Variants in ACOXL observed in about 807,000 individuals in gnomAD.
ACOXL encodes the protein acyl-coenzyme A oxidase-like protein.
ACOXL carries 70 observed loss-of-function variants against 71.9 expected under a neutral mutation model. That is an observed-to-expected ratio of 0.97 (90% CI 0.80 to 1.19). The LOEUF (loss-of-function observed/expected upper bound fraction) is 1.19, where lower values mean the gene tolerates loss of function less well. ACOXL is among the 50% of genes most tolerant of loss of function. ACOXL has a pLI of 0.00. For synonymous variants in ACOXL, 253 were observed against 281.6 expected, an observed-to-expected ratio of 0.90 and a Z score of 1.02; for missense variants, 703 against 736.3, an observed-to-expected ratio of 0.95 and a Z score of 0.52.
At chr2:110,900,838 G>C (rs567726663) in intron 10 of ACOXL, among the ~76,000 whole-genome samples, 8 of 152,278 alleles carry the variant, frequency 5.3e-5, no homozygotes, top group African/African-American at 1.7e-4. Context: ...TCAGATCCAG[G>C]GTGACCCTAC....
At chr2:110,933,822 A>G (rs1047361768) in intron 12 of ACOXL, among the ~76,000 whole-genome samples, 180 bp downstream of exon 12, 13 of 152,242 alleles carry the variant, frequency 8.5e-5, no homozygotes, top group Non-Finnish European at 5.9e-5. Flanking sequence ...TGATGCTGCC[A>G]GGACTGATAG....
chr2:110,884,171 G>A (rs1197233144), intron 10 of ACOXL, among the ~76,000 whole-genome samples: 1 of 152,178 alleles, frequency 6.6e-6, no homozygotes, highest in African/African-American at 2.4e-5. Flanking sequence ...ACCCAAAAAA[G>A]TGGCAAAACC....
At chr2:111,104,100 CT>C (rs140070171) in intron 17 of ACOXL, among the ~76,000 whole-genome samples, 11,254 of 152,072 alleles carry the variant, frequency 0.074, 640 homozygotes, top group East Asian at 0.25. Flanking sequence ...TTGGAATTGG[CT>C]TTTTTCACCG....
At chr2:111,084,622 G>A (rs2149990847) in intron 16 of ACOXL, among the ~76,000 whole-genome samples, 1 of 152,184 alleles carries the variant, frequency 6.6e-6, no homozygotes, top group Non-Finnish European at 1.5e-5. Flanking sequence ...TCAAACAAAG[G>A]AGGACAAAAG....
At chr2:110,885,513 G>T (rs571245645) in intron 10 of ACOXL, among the ~76,000 whole-genome samples, 1 of 151,710 alleles carries the variant, frequency 6.6e-6, no homozygotes, top group Non-Finnish European at 1.5e-5. Flanking sequence ...GTTATGCTTC[G>T]TATTTCATAT....
intron 9 of ACOXL, among the ~76,000 whole-genome samples, chr2:110,815,028 T>C (rs775062943): frequency 2.5e-4 from 38 of 152,072 alleles, no homozygotes; most frequent in Admixed American, 2.1e-3. Context: ...TAAAGAAAGG[T>C]TTAATTAACT....
chr2:110,792,881 A>G (rs889273343), intron 3 of ACOXL, among the ~76,000 whole-genome samples: 1 of 152,200 alleles, frequency 6.6e-6, no homozygotes, highest in Non-Finnish European at 1.5e-5. Flanking sequence ...CATGGTCACT[A>G]TATGAAGTAT....
At chr2:111,064,164 C>T (rs2066941817) in intron 16 of ACOXL, among the ~76,000 whole-genome samples, 1 of 152,176 alleles carries the variant, frequency 6.6e-6, no homozygotes, top group Non-Finnish European at 1.5e-5. Context: ...AGGCGGGGCA[C>T]AGTGGCTCAC....
intron 14 of ACOXL, among the ~76,000 whole-genome samples, chr2:111,004,195 A>G (rs978447908): frequency 8.5e-5 from 13 of 152,220 alleles, no homozygotes; most frequent in Non-Finnish European, 1.8e-4. Context: ...TTTAGTTCAG[A>G]ATCTTTAAAT....
intron 9 of ACOXL, among the ~76,000 whole-genome samples, chr2:110,840,109 G>A (rs1690974236): frequency 1.3e-5 from 2 of 152,060 alleles, no homozygotes; most frequent in Admixed American, 1.3e-4. Context: ...TCCTGCCTCA[G>A]CCTCCTGAGT....
At chr2:110,744,788 T>C (rs1037719233) in intron 1 of ACOXL, among the ~76,000 whole-genome samples, 25 of 152,184 alleles carry the variant, frequency 1.6e-4, no homozygotes, top group Non-Finnish European at 2.4e-4. Context: ...CTTCCTTGCT[T>C]ACTTGCGAGA....
At chr2:110,851,084 A>G (rs1216053375) in intron 10 of ACOXL, among the ~76,000 whole-genome samples, 2 of 152,206 alleles carry the variant, frequency 1.3e-5, no homozygotes. Flanking sequence ...TAGGGAAGAA[A>G]GCAGACCCGT....
At chr2:111,044,500 CGA>C (rs2065926910) in intron 15 of ACOXL, among the ~76,000 whole-genome samples, 1 of 152,130 alleles carries the variant, frequency 6.6e-6, no homozygotes. Flanking sequence ...GCAAAGATTG[CGA>C]GAGAAGCTGA....
chr2:110,802,781 C>T (rs60185821), intron 8 of ACOXL, among the ~76,000 whole-genome samples: 8,349 of 152,082 alleles, frequency 0.055, 387 homozygotes, highest in African/African-American at 0.11. Flanking sequence ...GATACTGTTA[C>T]AGTTGTATGG....
At chr2:110,866,709 C>G (rs1558643369) in intron 10 of ACOXL, among the ~76,000 whole-genome samples, 1 of 152,120 alleles carries the variant, frequency 6.6e-6, no homozygotes, top group Non-Finnish European at 1.5e-5. Flanking sequence ...ACCCCCAGGT[C>G]CCTTTGTCTG....
At chr2:110,785,282 G>A (rs1008554349) in intron 3 of ACOXL, among the ~76,000 whole-genome samples, 5 of 152,024 alleles carry the variant, frequency 3.3e-5, no homozygotes, top group Non-Finnish European at 2.9e-5. Context: ...TAGCAGTAAT[G>A]CAATGTAAAA....
intron 8 of ACOXL, among the ~76,000 whole-genome samples, chr2:110,803,427 G>T (rs1287753318): frequency 6.6e-6 from 1 of 152,182 alleles, no homozygotes; most frequent in African/African-American, 2.4e-5. Context: ...GGAAAGAATA[G>T]TCTTTTTGAC....
intron 2 of ACOXL, among the ~76,000 whole-genome samples, chr2:110,770,893 A>T (rs1334810478): frequency 6.6e-6 from 1 of 152,222 alleles, no homozygotes; most frequent in African/African-American, 2.4e-5. Context: ...TGCTAATTGC[A>T]GCCCGACCCG....
At chr2:111,012,219 TC>T (rs1049099556) in intron 14 of ACOXL, among the ~76,000 whole-genome samples, 4 of 152,368 alleles carry the variant, frequency 2.6e-5, no homozygotes, top group African/African-American at 9.6e-5. Context: ...GTGCCATTTT[TC>T]CAACAGCATA....
Sources: allele counts gnomAD v4.1 joint callset (sites outside exome capture counted in the v4.1 genomes callset), GRCh38; gene constraint gnomAD v4.1.1; transcripts MANE v1.5; gene names NCBI Gene and HGNC (gene_info 2026-07-23, HGNC 2026-07-21).